Variants in RANBP2 observed in about 807,000 individuals in gnomAD.
RANBP2 encodes E3 SUMO-protein ligase RanBP2.
Under a neutral mutation model 303.6 loss-of-function variants are expected in RANBP2, and 57 were observed. The ratio of observed to expected loss-of-function variants is 0.19; its 90% CI spans 0.15 to 0.23. RANBP2 has a LOEUF of 0.23. Ranked by LOEUF, RANBP2 falls within the 10% of genes least tolerant of loss-of-function variation. The pLI is 1.00. For synonymous variants in RANBP2, 1,167 were observed against 1,301.5 expected (o/e 0.90, Z 2.23); for missense variants, 3,138 against 3,780.8 (o/e 0.83, Z 4.46).
At chr2:109,703,167 C>T in the RANBP2 span, among the ~76,000 whole-genome samples, 1 of 152,140 alleles carries the variant, frequency 6.6e-6, no homozygotes, top group Non-Finnish European at 1.5e-5. Context: ...TAATTAAGGT[C>T]CAAATGTTTA....
At chr2:109,013,954 TAC>T in the RANBP2 span, among the ~76,000 whole-genome samples, 41 of 152,302 alleles carry the variant, frequency 2.7e-4, 1 homozygote, top group African/African-American at 9.1e-4. Context: ...GAAAGTAAAT[TAC>T]AGTTATTTTG....
At chr2:109,614,900 A>G in the RANBP2 span, 285 of 1,441,578 alleles carry the variant, frequency 2.0e-4, 2 homozygotes, top group South Asian at 3.9e-3. Flanking sequence ...TGGGCGAGGG[A>G]GAGCCCCCCG....
the RANBP2 span, chr2:109,733,012 T>C: frequency 1.7e-6 from 1 of 580,002 alleles, no homozygotes; most frequent in Admixed American, 1.9e-5. Context: ...ATGATTATTG[T>C]AGGAGGGGTC....
chr2:108,829,777 A>G, the RANBP2 span, among the ~76,000 whole-genome samples: 2 of 152,210 alleles, frequency 1.3e-5, no homozygotes, highest in Non-Finnish European at 2.9e-5. Flanking sequence ...ACATACGTAC[A>G]TACAAGTGTT....
intron 25 of RANBP2, 62 bp downstream of exon 25, chr2:108,777,293 T>C (rs533855019): frequency 2.2e-5 from 29 of 1,309,984 alleles, no homozygotes; most frequent in Non-Finnish European, 2.7e-5. Flanking sequence ...ACTGAAAAAC[T>C]AGTTTTTTGT....
chr2:109,537,761 C>T, the RANBP2 span, among the ~76,000 whole-genome samples: 11 of 151,970 alleles, frequency 7.2e-5, no homozygotes, highest in East Asian at 5.8e-4. Flanking sequence ...GCCTGGGCAA[C>T]GGGGCGAAAC....
At chr2:109,352,824 C>T in the RANBP2 span, among the ~76,000 whole-genome samples, 2 of 152,254 alleles carry the variant, frequency 1.3e-5, 1 homozygote, top group East Asian at 3.9e-4. Flanking sequence ...CTCTTAGCCA[C>T]TACAGACCAC....
chr2:109,479,834 A>G, the RANBP2 span, among the ~76,000 whole-genome samples: 4 of 152,146 alleles, frequency 2.6e-5, no homozygotes, highest in Non-Finnish European at 1.5e-5. Flanking sequence ...CCACTGATGA[A>G]GACCCCGGGA....
At chr2:109,672,013 C>T in the RANBP2 span, among the ~76,000 whole-genome samples, 1 of 132,172 alleles carries the variant, frequency 7.6e-6, no homozygotes, top group Non-Finnish European at 1.5e-5. Flanking sequence ...TCTCCTCCTC[C>T]TCCTCGTCTT....
the RANBP2 span, among the ~76,000 whole-genome samples, chr2:108,934,209 T>C: frequency 2.0e-5 from 3 of 152,150 alleles, no homozygotes; most frequent in African/African-American, 7.2e-5. Context: ...TGTTTCATTA[T>C]TGTTACCAAT....
intron 1 of RANBP2, among the ~76,000 whole-genome samples, chr2:108,720,574 G>T (rs1460690938): frequency 6.6e-6 from 1 of 152,166 alleles, no homozygotes; most frequent in Non-Finnish European, 1.5e-5. Flanking sequence ...GCTTTGGCTT[G>T]AATAATCACA....
At chr2:109,053,652 C>G in the RANBP2 span, among the ~76,000 whole-genome samples, 1 of 152,216 alleles carries the variant, frequency 6.6e-6, no homozygotes, top group Non-Finnish European at 1.5e-5. Flanking sequence ...AATAAACCTG[C>G]TTCATGTCAC....
At chr2:109,620,500 A>T in the RANBP2 span, among the ~76,000 whole-genome samples, 987 of 152,294 alleles carry the variant, frequency 6.5e-3, 2 homozygotes, top group Non-Finnish European at 0.012. Context: ...TCAGGAGTTC[A>T]AGACCAGCCT....
At chr2:109,489,502 G>A in the RANBP2 span, among the ~76,000 whole-genome samples, 1 of 152,206 alleles carries the variant, frequency 6.6e-6, no homozygotes, top group South Asian at 2.1e-4. Flanking sequence ...GAAGAGCTGG[G>A]GGAGGAGAAA....
the RANBP2 span, chr2:109,613,957 C>A: frequency 2.0e-6 from 2 of 1,019,796 alleles, no homozygotes; most frequent in East Asian, 8.3e-5. Flanking sequence ...GCCTCCGCGA[C>A]GGGGAAGGGA....
At chr2:109,507,844 G>A in the RANBP2 span, among the ~76,000 whole-genome samples, 11 of 152,328 alleles carry the variant, frequency 7.2e-5, no homozygotes, top group African/African-American at 2.6e-4. Flanking sequence ...GATGGGGCTG[G>A]TGTTCCATGA....
the RANBP2 span, among the ~76,000 whole-genome samples, chr2:109,438,041 A>T: frequency 6.6e-6 from 1 of 152,234 alleles, no homozygotes; most frequent in South Asian, 2.1e-4. Context: ...GGCAAAAATA[A>T]TGTAAATTCA....
chr2:109,039,165 A>G, the RANBP2 span, among the ~76,000 whole-genome samples: 2 of 152,356 alleles, frequency 1.3e-5, no homozygotes, highest in East Asian at 1.9e-4. Context: ...TTCAGCCTCT[A>G]GACAGACTTT....
chr2:109,504,381 CAG>C, the RANBP2 span: 1 of 152,256 alleles, frequency 6.6e-6, no homozygotes, highest in African/African-American at 2.4e-5. Flanking sequence ...CAGAGGGAGG[CAG>C]AGAGGATGGC....
Sources: gnomAD v4.1 joint callset for allele counts (sites outside exome capture counted in the v4.1 genomes callset) on GRCh38, gnomAD v4.1.1 for gene constraint, MANE v1.5 for transcripts, NCBI Gene and HGNC (gene_info 2026-07-23, HGNC 2026-07-21) for gene names.